The following SMYD2 variants were observed in gnomAD, a reference collection of about 807,000 sequenced individuals.
SMYD2 encodes SET and MYND domain containing 2.
A neutral mutation model predicts 59.1 loss-of-function variants in SMYD2; 53 were observed. The ratio of observed to expected loss-of-function variants is 0.90; its 90% CI spans 0.72 to 1.13. The LOEUF (loss-of-function observed/expected upper bound fraction) is 1.13, where lower values mean the gene tolerates loss of function less well. Ranked by LOEUF, SMYD2 falls within the 50% of genes most tolerant of loss-of-function variation. SMYD2 has a pLI of 0.00. For missense variants in SMYD2, 494 were observed against 544.7 expected, an observed-to-expected ratio of 0.91 and a Z score of 0.93; for synonymous variants, 208 against 198.8, an observed-to-expected ratio of 1.05 and a Z score of -0.39.
At chr1:214,316,373 C>T (rs1427710149) in intron 3 of SMYD2, among the ~76,000 whole-genome samples, 3 of 151,978 alleles carry the variant, frequency 2.0e-5, no homozygotes, top group Non-Finnish European at 2.9e-5. Context: ...CCCAGCTATT[C>T]TGGAGGCTGA....
intron 1 of SMYD2, among the ~76,000 whole-genome samples, chr1:214,291,100 A>C (rs1448084046): frequency 6.6e-6 from 1 of 152,224 alleles, no homozygotes; most frequent in Non-Finnish European, 1.5e-5. Context: ...TTTTTAACTC[A>C]ATCAAAAACA....
chr1:214,301,754 A>G (rs1045544650), intron 1 of SMYD2, among the ~76,000 whole-genome samples: 1 of 128,326 alleles, frequency 7.8e-6, no homozygotes, highest in Non-Finnish European at 1.6e-5. Flanking sequence ...TTTATCTAAA[A>G]CTGTTCTTTC....
rs768052321 is a variant in SMYD2 at position 214,330,932 on chromosome 1, T to G, written c.817-18T>G. 6.2e-7 allele frequency: 1 copy of G among 1,613,874 alleles called. No homozygotes were observed. Among genetic ancestry groups the G allele is most frequent in the South Asian group, 1.1e-5 (1 of 91,076 alleles). On this transcript the variant is annotated intron_variant, in intron 8 of 11. Transcript: ENST00000366957. Reference sequence around the variant, plus strand: ...TCCATGGGCGGTAACGCCTTGCCCTTGTGGACGTTTCCTTCAGGATAAGGC... The same window carrying G: ...TCCATGGGCGGTAACGCCTTGCCCTGGTGGACGTTTCCTTCAGGATAAGGC...
intron 2 of SMYD2, among the ~76,000 whole-genome samples, chr1:214,310,227 A>G (rs188708930): frequency 3.2e-4 from 48 of 152,352 alleles, no homozygotes; most frequent in Admixed American, 7.8e-4. Context: ...TGCATCTTTA[A>G]GCATTTTTGA....
intron 6 of SMYD2, among the ~76,000 whole-genome samples, chr1:214,327,279 T>C (rs576986763): frequency 6.6e-6 from 1 of 152,238 alleles, no homozygotes; most frequent in South Asian, 2.1e-4. Context: ...CAGTGTATAG[T>C]GAAGTAGCAA....
chr1:214,330,860 T>G, intron 8 of SMYD2, 90 bp from the exon 9 acceptor site: 1 of 1,584,826 alleles, frequency 6.3e-7, no homozygotes, highest in Non-Finnish European at 8.6e-7. Context: ...TGTCGACCGC[T>G]GTGTGGGAAT....
intron 3 of SMYD2, among the ~76,000 whole-genome samples, chr1:214,316,188 T>C (rs1006864731): frequency 3.3e-5 from 5 of 152,176 alleles, no homozygotes; most frequent in Admixed American, 6.5e-5. Flanking sequence ...GCTGAAATTT[T>C]GGCTGGGCAT....
intron 1 of SMYD2, among the ~76,000 whole-genome samples, chr1:214,286,459 C>T (rs550897459): frequency 6.3e-4 from 95 of 151,834 alleles, no homozygotes; most frequent in African/African-American, 2.3e-3. Flanking sequence ...AAAGTGAGAC[C>T]CTGTCTCTTA....
chr1:214,328,979 G>T (rs867446), intron 7 of SMYD2, among the ~76,000 whole-genome samples: 39,366 of 152,160 alleles, frequency 0.26, 5,630 homozygotes, highest in Non-Finnish European at 0.33. Flanking sequence ...AGTCTGGCTG[G>T]GAGCAGTGGT....
chr1:214,321,968 A>AT (rs1657178896), intron 5 of SMYD2, among the ~76,000 whole-genome samples: 1 of 152,196 alleles, frequency 6.6e-6, no homozygotes, highest in African/African-American at 2.4e-5. Context: ...AAGAAACACA[A>AT]GCAGTCTTCC....
At position 214,292,089 on chromosome 1, in the gene SMYD2, TGAGAGAGAGA is replaced by T. The variant is rs56410935; in HGVS notation, c.173+10685_173+10694del. On this transcript the variant is annotated intron_variant, in intron 1 of 11. Coordinates refer to ENST00000366957, the MANE Select transcript of SMYD2 (RefSeq NM_020197.3). ...CTCAGCTACTAAATATTTTCTAGGG[TGAGAGAGAGA>T]GAGAGAGAGAGAGAGAGAGAGAAGC... Among the ~76,000 whole-genome samples the T allele has an allele frequency of 2.3e-4, 34 of 145,988 alleles. No individual in the cohort carries two copies. In the Middle Eastern group the frequency reaches 0.011, roughly 46 times the overall value.
At chr1:214,304,558 CAAAAAA>C (rs56254326) in intron 1 of SMYD2, among the ~76,000 whole-genome samples, 5 of 48,024 alleles carry the variant, frequency 1.0e-4, no homozygotes, top group African/African-American at 4.4e-4. Flanking sequence ...GACCCTATCT[CAAAAAA>C]AAAAAAAAAA....
At chr1:214,323,438 T>G (rs1462600118) in intron 5 of SMYD2, among the ~76,000 whole-genome samples, 1 of 152,148 alleles carries the variant, frequency 6.6e-6, no homozygotes, top group Non-Finnish European at 1.5e-5. Flanking sequence ...TATGCAACAT[T>G]TCTTTTTTTT....
intron 11 of SMYD2, among the ~76,000 whole-genome samples, chr1:214,336,063 TC>T (rs1401067142): frequency 1.3e-5 from 2 of 152,078 alleles, no homozygotes; most frequent in Non-Finnish European, 2.9e-5. Context: ...TTGAACATAA[TC>T]AAAAAAATTA....
chr1:214,308,107 C>T (rs12024395), intron 2 of SMYD2, among the ~76,000 whole-genome samples: 79,358 of 152,072 alleles, frequency 0.52, 21,574 homozygotes, highest in African/African-American at 0.68. Flanking sequence ...CCCTGAGCAC[C>T]GGGGATTACT....
In SMYD2 at chr1:214,335,911, T is replaced by A. The variant is rs376227645; in HGVS notation, c.1222-793T>A. On this transcript the variant is annotated intron_variant, in intron 11 of 11. Transcript: ENST00000366957. ...ACCTTTCTTTTAAGTTTTTAGAATA[T>A]GTATTAAAAGGAAAGAGTATGCTTT... Among the ~76,000 whole-genome samples the A allele has an allele frequency of 1.7e-3, 255 of 152,292 alleles. 14 individuals are homozygous for A. In the South Asian group the frequency reaches 0.048, roughly 29 times the overall value.
At chr1:214,287,677 G>A (rs1286420287) in intron 1 of SMYD2, among the ~76,000 whole-genome samples, 1 of 151,618 alleles carries the variant, frequency 6.6e-6, no homozygotes, top group Non-Finnish European at 1.5e-5. Context: ...TAATGATGGG[G>A]TCTGGGATTA....
intron 6 of SMYD2, among the ~76,000 whole-genome samples, chr1:214,325,372 C>T (rs1214047736): frequency 6.6e-6 from 1 of 152,172 alleles, no homozygotes; most frequent in Non-Finnish European, 1.5e-5. Context: ...TGCTTCAGTC[C>T]CTGAAATCAA....
intron 11 of SMYD2, among the ~76,000 whole-genome samples, chr1:214,335,591 C>CT: frequency 6.6e-6 from 1 of 152,190 alleles, no homozygotes; most frequent in Non-Finnish European, 1.5e-5. Context: ...ACTTTTTTCT[C>CT]TGAGTAATTT....
Sources: allele counts gnomAD v4.1 joint callset (sites outside exome capture counted in the v4.1 genomes callset), GRCh38; gene constraint gnomAD v4.1.1; transcripts MANE v1.5; gene names NCBI Gene and HGNC (gene_info 2026-07-23, HGNC 2026-07-21).